The following RAD54L2 variants were observed in gnomAD, a reference collection of about 807,000 sequenced individuals.
The protein encoded by RAD54L2 is helicase ARIP4.
A neutral mutation model predicts 138.4 loss-of-function variants in RAD54L2; 27 were observed. The observed-to-expected ratio is 0.20, with a 90% CI of 0.14 to 0.27. RAD54L2 has a LOEUF of 0.27. Ranked by LOEUF, RAD54L2 falls within the 10% of genes least tolerant of loss-of-function variation. The pLI is 1.00. For synonymous variants in RAD54L2, 644 were observed against 723.2 expected, an observed-to-expected ratio of 0.89 and a Z score of 1.76; for missense variants, 1,396 against 1,890.2, an observed-to-expected ratio of 0.74 and a Z score of 4.85.
Position 51,638,344 on chromosome 3 carries a change from A to C in RAD54L2, c.1860+23A>C. On this transcript the variant is annotated intron_variant, in intron 12 of 22. Coordinates refer to ENST00000684192, the MANE Select transcript of RAD54L2 (RefSeq NM_015106.4). The surrounding 1 kb of genome is among the most constrained non-coding windows in gnomAD (Gnocchi z 4.3). Reference sequence around the variant, plus strand: ...AAGGTGCATTGGGGCCTCAGGGAAGATTGAGATGGGGACTAAGGATACACA... The same window carrying C: ...AAGGTGCATTGGGGCCTCAGGGAAGCTTGAGATGGGGACTAAGGATACACA... 1 of 1,612,420 alleles carries C rather than the reference A, an allele frequency of 6.2e-7. No individual in the cohort carries two copies. The highest frequency in any genetic ancestry group is 8.5e-7 in the Non-Finnish European group (1 of 1,179,274).
chr3:51,549,791 A>T (rs1387822981), intron 2 of RAD54L2, among the ~76,000 whole-genome samples: 1 of 151,866 alleles, frequency 6.6e-6, no homozygotes, highest in East Asian at 1.9e-4. Flanking sequence ...AAAAAAAAAA[A>T]AAAAGGGGGT....
At chr3:51,554,355 A>T (rs1398274287) in intron 2 of RAD54L2, among the ~76,000 whole-genome samples, 1 of 147,794 alleles carries the variant, frequency 6.8e-6, no homozygotes, top group Admixed American at 6.8e-5. Context: ...CGACAAAGCG[A>T]GACTCTTTCA....
chr3:51,611,204 A>G (rs1285153523), intron 3 of RAD54L2, among the ~76,000 whole-genome samples: 1 of 151,292 alleles, frequency 6.6e-6, no homozygotes, highest in African/African-American at 2.4e-5. Flanking sequence ...ATCCTTTGGC[A>G]GTGCCTGGAA....
intron 2 of RAD54L2, among the ~76,000 whole-genome samples, chr3:51,589,481 C>A (rs577751507): frequency 7.2e-5 from 11 of 152,266 alleles, no homozygotes; most frequent in African/African-American, 2.6e-4. Flanking sequence ...GAAAACTGCA[C>A]ACTTCATGAT....
At chr3:51,657,144 C>T (rs1300415461) in intron 20 of RAD54L2, among the ~76,000 whole-genome samples, 3 of 152,238 alleles carry the variant, frequency 2.0e-5, no homozygotes, top group African/African-American at 7.2e-5. Flanking sequence ...TCTACTAATT[C>T]TTGAAAATAC....
In RAD54L2 at chr3:51,645,135, C is replaced by T. The variant is rs987014197; in HGVS notation, c.2562C>T (p.Gly854=). The T allele has an allele frequency of 1.2e-6, 2 of 1,613,706 alleles. No homozygotes were observed. The highest frequency in any genetic ancestry group is 2.7e-5 in the African/African-American group (2 of 74,874). Residue 854 remains glycine (G), a synonymous_variant, in exon 17 of 23, where the codon GGC becomes GGT. Transcript: ENST00000684192. The surrounding 1 kb of genome is among the most constrained non-coding windows in gnomAD (Gnocchi z 6.1). ...CAGTATGTCGGGTATACCGTTATGGCCAGAAAAAGCCCTGTTACATCTATC... is the reference window on the plus strand; with the variant it reads ...CAGTATGTCGGGTATACCGTTATGGTCAGAAAAAGCCCTGTTACATCTATC... The part of the protein sequence containing the change: ...AQAVCRVYRY[G]QKKPCYIYRL...
At chr3:51,591,925 G>C (rs1372290194) in intron 3 of RAD54L2, among the ~76,000 whole-genome samples, 1 of 151,710 alleles carries the variant, frequency 6.6e-6, no homozygotes, top group Non-Finnish European at 1.5e-5. Flanking sequence ...CCTTTTCCTT[G>C]TAAAATTGTT....
chr3:51,576,095 A>G (rs1382689638), intron 2 of RAD54L2, among the ~76,000 whole-genome samples: 3 of 152,258 alleles, frequency 2.0e-5, no homozygotes, highest in Non-Finnish European at 4.4e-5. Flanking sequence ...TTCTGCATCT[A>G]TTGAGATAGA....
chr3:51,660,501 C>T (rs1286269088), intron 22 of RAD54L2, among the ~76,000 whole-genome samples: 3 of 151,770 alleles, frequency 2.0e-5, no homozygotes, highest in Non-Finnish European at 4.4e-5. Flanking sequence ...TTAGTAGAGA[C>T]GGCTTTTCAC....
chr3:51,637,195 T>C lies in RAD54L2; in HGVS notation c.1374T>C (p.Asp458=), dbSNP rs766527312. The C allele has an allele frequency of 3.1e-6, 5 of 1,590,630 alleles. No homozygotes were observed. The African/African-American group carries it at 5.4e-5, about 17-fold the overall frequency. ...FEKALCRPGP[D]VVICDEGHRI... is the part of the protein sequence containing the mutation. ...AGGCTTTATGCCGCCCTGGCCCTGATGTAGTAATCTGTGATGAGGGACACC... is the reference window on the plus strand; with the variant it reads ...AGGCTTTATGCCGCCCTGGCCCTGACGTAGTAATCTGTGATGAGGGACACC... The change falls in exon 11 of 23, where the codon GAT becomes GAC. Residue 458 remains aspartate (D), a synonymous_variant. Coordinates refer to ENST00000684192, the MANE Select transcript of RAD54L2 (RefSeq NM_015106.4). This position sits in a 1 kb window ranked among gnomAD's most constrained non-coding sequence, Gnocchi z 5.9.
chr3:51,566,395 C>T (rs1391861755), intron 2 of RAD54L2, among the ~76,000 whole-genome samples: 3 of 141,186 alleles, frequency 2.1e-5, no homozygotes, highest in South Asian at 2.3e-4. Flanking sequence ...AAGTTTTCTT[C>T]AAGTTTGCTA....
At position 51,635,831 on chromosome 3, in the gene RAD54L2, GA is replaced by G. The variant is rs760239674; in HGVS notation, c.1339+48del. The G allele has an allele frequency of 3.3e-6, 5 of 1,522,112 alleles. No homozygotes were observed. The African/African-American group carries it at 5.6e-5, about 17-fold the overall frequency. The allele number at this position is 1,522,112 out of a possible 1,614,324, so 94.3% of individuals were successfully genotyped here. On this transcript the variant is annotated intron_variant, in intron 10 of 22. Coordinates refer to ENST00000684192, the MANE Select transcript of RAD54L2 (RefSeq NM_015106.4). ...AGGAATACTCTTGTTGGTGTTTCAG[GA>G]AAAAAGAAATCATGTCTACTAATAG...
chr3:51,654,105 T>C (rs1701530276), intron 19 of RAD54L2, among the ~76,000 whole-genome samples: 1 of 152,084 alleles, frequency 6.6e-6, no homozygotes, highest in Admixed American at 6.6e-5. Context: ...TGGAGTGTAA[T>C]GGTGTGATCT....
chr3:51,544,380 A>T (rs1334279917), intron 2 of RAD54L2, among the ~76,000 whole-genome samples: 1 of 152,144 alleles, frequency 6.6e-6, no homozygotes, highest in Non-Finnish European at 1.5e-5. Flanking sequence ...ATTTGTTCAT[A>T]ATTTTGAGGC....
At position 51,638,003 on chromosome 3, in the gene RAD54L2, C is replaced by G. The variant is rs945388626; in HGVS notation, c.1683-141C>G. On this transcript the variant is annotated intron_variant, in intron 11 of 22. Coordinates refer to ENST00000684192, the MANE Select transcript of RAD54L2 (RefSeq NM_015106.4). The surrounding 1 kb of genome is among the most constrained non-coding windows in gnomAD (Gnocchi z 4.3). Reference sequence around the variant, plus strand: ...GTTTCTTCTTGGTTGTTGAACCACTCTGCATTATTGCAAGGCTGCAGTGCA... The same window carrying G: ...GTTTCTTCTTGGTTGTTGAACCACTGTGCATTATTGCAAGGCTGCAGTGCA... 2.1e-5 allele frequency: 16 copies of G among 762,520 alleles called. No homozygotes were observed. The highest frequency in any genetic ancestry group is 2.9e-5 in the Non-Finnish European group (14 of 476,728). The allele number at this position is 762,520 out of a possible 1,614,324, so 47.2% of individuals were successfully genotyped here. A position where few individuals can be genotyped will look rare whatever the true frequency, so the allele number is the denominator to read the frequency against.
chr3:51,662,857 G>A lies in RAD54L2; in HGVS notation c.3841G>A (p.Val1281Met), dbSNP rs754407997. The change falls in exon 23 of 23, where the codon GTG becomes ATG. Residue 1281 changes from valine (V) to methionine (M), a missense_variant. Physicochemically the swap from Val to Met is conservative, Grantham distance 21. Transcript: ENST00000684192. The surrounding 1 kb of genome is among the most constrained non-coding windows in gnomAD (Gnocchi z 4.6). ...CAGGAAGGGTCATCTGCCAGCCCCCGTGCAGCCGTATGAACACGGGTATCC... is the reference window on the plus strand; with the variant it reads ...CAGGAAGGGTCATCTGCCAGCCCCCATGCAGCCGTATGAACACGGGTATCC... ...RSRKGHLPAPVQPYEHGYPVS... is the reference protein window; with the variant it reads ...RSRKGHLPAPMQPYEHGYPVS... The A allele has an allele frequency of 5.6e-5, 91 of 1,613,340 alleles. No individual in the cohort carries two copies. Among genetic ancestry groups the A allele is most frequent in the Non-Finnish European group, 3.3e-5 (39 of 1,179,760 alleles).
chr3:51,587,793 G>A (rs1699741392), intron 2 of RAD54L2, among the ~76,000 whole-genome samples: 1 of 152,116 alleles, frequency 6.6e-6, no homozygotes, highest in Non-Finnish European at 1.5e-5. Context: ...AGATATTGCA[G>A]TTCTGCAGTA....
At chr3:51,560,826 A>G (rs1397742406) in intron 2 of RAD54L2, among the ~76,000 whole-genome samples, 1 of 152,180 alleles carries the variant, frequency 6.6e-6, no homozygotes, top group Non-Finnish European at 1.5e-5. Context: ...TGTAGAATTT[A>G]TATTCCTTCA....
chr3:51,650,737 A>G (rs1380401773), intron 19 of RAD54L2, among the ~76,000 whole-genome samples: 1 of 152,216 alleles, frequency 6.6e-6, no homozygotes, highest in Admixed American at 6.5e-5. Context: ...TTTGAAACCA[A>G]AGAGAACAAA....
Sources: allele counts gnomAD v4.1 joint callset (sites outside exome capture counted in the v4.1 genomes callset), GRCh38; gene constraint gnomAD v4.1.1; non-coding constraint Gnocchi (gnomAD v3.1); transcripts MANE v1.5; gene names NCBI Gene and HGNC (gene_info 2026-07-23, HGNC 2026-07-21).